PLA2G4A: variants seen among roughly 807,000 people sequenced by gnomAD.
The protein encoded by PLA2G4A is cytosolic phospholipase A2.
A neutral mutation model predicts 81.9 loss-of-function variants in PLA2G4A; 40 were observed. The ratio of observed to expected loss-of-function variants is 0.49; its 90% confidence interval spans 0.38 to 0.64. The LOEUF is 0.64. Among genes scored for constraint, PLA2G4A ranks in the 30% least tolerant of loss-of-function variants. The probability of loss-of-function intolerance (pLI) is 0.00; values close to 1 mark genes in which losing one functional copy is unlikely to be tolerated. For synonymous variants in PLA2G4A, 302 were observed against 296.9 expected (o/e 1.02, Z -0.18); for missense variants, 715 against 905.1 (o/e 0.79, Z 2.69).
rs1656050244 is a variant in PLA2G4A at position 186,939,008 on chromosome 1, G to T, written c.696G>T (p.Trp232Cys). ...TYVAGLSGST[W>C]YMSTLYSHPD... ...TGATTGTGTTTTGTTTTCTGTATAG[G>T]TATATGTCAACCTTGTATTCTCACC... is the stretch of plus-strand genomic sequence containing the variant. The change falls in exon 9 of 18, where the codon TGG becomes TGT. Residue 232 changes from tryptophan (W) to cysteine (C), a missense_variant and splice_region_variant. By Grantham distance (215) the Trp-to-Cys change is radical. Coordinates refer to ENST00000367466, the MANE Select transcript of PLA2G4A (RefSeq NM_024420.3). The T allele has an allele frequency of 6.7e-7, 1 of 1,483,358 alleles. No individual in the cohort carries two copies. Among genetic ancestry groups the T allele is most frequent in the South Asian group, 1.1e-5 (1 of 88,434 alleles). The allele number at this position is 1,483,358 out of a possible 1,614,324, so 91.9% of individuals were successfully genotyped here.
chr1:186,896,680 A>G (rs924693461), intron 5 of PLA2G4A, among the ~76,000 whole-genome samples: 5 of 152,206 alleles, frequency 3.3e-5, no homozygotes, highest in Non-Finnish European at 7.4e-5. Flanking sequence ...TGTAATCCCT[A>G]GGGCTCTAAA....
intron 10 of PLA2G4A, among the ~76,000 whole-genome samples, chr1:186,941,915 T>C (rs1656168213): frequency 1.3e-5 from 2 of 152,232 alleles, no homozygotes; most frequent in African/African-American, 4.8e-5. Context: ...ATGAGACTTC[T>C]CACAATGTTT....
rs544637283 is a variant in PLA2G4A, at chr1:186,962,030, A to G, written c.1580-3379A>G. ...CAAATCATCTCTCTGTCCAGGCTGC[A>G]TATGCTACCTGCCCGTTAGTGACTC... is the stretch of plus-strand genomic sequence containing the variant. On this transcript the variant is annotated intron_variant, in intron 14 of 17. Transcript: ENST00000367466. Among the ~76,000 whole-genome samples, 82 of 152,324 alleles carry G rather than the reference A, an allele frequency of 5.4e-4. 1 individual carries two copies. The highest frequency in any genetic ancestry group is 1.9e-3 in the African/African-American group (81 of 41,582).
At chr1:186,836,013 C>T (rs1651764028) in intron 1 of PLA2G4A, among the ~76,000 whole-genome samples, 1 of 151,958 alleles carries the variant, frequency 6.6e-6, no homozygotes, top group South Asian at 2.1e-4. Flanking sequence ...GTAATGATGC[C>T]TTTGTTGTCA....
At chr1:186,844,115 G>A (rs374079243) in intron 1 of PLA2G4A, among the ~76,000 whole-genome samples, 24 of 152,274 alleles carry the variant, frequency 1.6e-4, no homozygotes, top group East Asian at 1.5e-3. Flanking sequence ...AACAGACATA[G>A]TTAATTATTC....
intron 3 of PLA2G4A, among the ~76,000 whole-genome samples, chr1:186,888,452 C>T (rs1007904085): frequency 2.6e-5 from 4 of 152,112 alleles, no homozygotes; most frequent in Admixed American, 2.0e-4. Flanking sequence ...GTAGACCTCA[C>T]CCTCCTCTTT....
intron 7 of PLA2G4A, among the ~76,000 whole-genome samples, chr1:186,918,916 G>C (rs989520004): frequency 6.6e-6 from 1 of 152,218 alleles, no homozygotes; most frequent in Non-Finnish European, 1.5e-5. Flanking sequence ...TGCTTCTTGT[G>C]CTAACAGGGC....
At chr1:186,851,562 C>T (rs774682677) in intron 1 of PLA2G4A, among the ~76,000 whole-genome samples, 1 of 151,840 alleles carries the variant, frequency 6.6e-6, no homozygotes, top group Non-Finnish European at 1.5e-5. Context: ...AAAACATCAG[C>T]CATACTAGTA....
chr1:186,836,616 A>G (rs1257180119), intron 1 of PLA2G4A, among the ~76,000 whole-genome samples: 1 of 152,142 alleles, frequency 6.6e-6, no homozygotes, highest in East Asian at 1.9e-4. Context: ...TCACTTACCA[A>G]TTTTGCCTCC....
At chr1:186,904,418 C>A (rs538407867) in intron 5 of PLA2G4A, among the ~76,000 whole-genome samples, 1 of 152,278 alleles carries the variant, frequency 6.6e-6, no homozygotes, top group African/African-American at 2.4e-5. Context: ...TGTTTAATGC[C>A]TCACAGGAAG....
intron 5 of PLA2G4A, among the ~76,000 whole-genome samples, chr1:186,902,719 G>A (rs774150752): frequency 1.7e-4 from 26 of 150,834 alleles, no homozygotes; most frequent in Non-Finnish European, 2.8e-4. Flanking sequence ...TGTTACCCCC[G>A]CCCCTGCCCA....
intron 1 of PLA2G4A, among the ~76,000 whole-genome samples, chr1:186,837,961 A>G (rs1651849365): frequency 6.6e-6 from 1 of 152,076 alleles, no homozygotes; most frequent in South Asian, 2.1e-4. Flanking sequence ...GGAAATACGC[A>G]GATTTGATGG....
intron 15 of PLA2G4A, among the ~76,000 whole-genome samples, chr1:186,965,846 A>G (rs1657109249): frequency 6.6e-6 from 1 of 152,188 alleles, no homozygotes; most frequent in South Asian, 2.1e-4. Context: ...TGAAGTTTAG[A>G]AAGGAAATGA....
chr1:186,867,724 C>T (rs187661840), intron 2 of PLA2G4A, among the ~76,000 whole-genome samples: 72 of 152,152 alleles, frequency 4.7e-4, no homozygotes, highest in African/African-American at 1.6e-3. Flanking sequence ...ATAGGACTTC[C>T]AGTACAATGT....
chr1:186,968,911 T>G (rs1167678032), intron 15 of PLA2G4A, among the ~76,000 whole-genome samples: 1 of 151,258 alleles, frequency 6.6e-6, no homozygotes, highest in African/African-American at 2.4e-5. Flanking sequence ...AAAAAAAAAT[T>G]TATACAATAT....
chr1:186,946,241 T>C (rs1395444082), intron 10 of PLA2G4A, among the ~76,000 whole-genome samples: 1 of 152,172 alleles, frequency 6.6e-6, no homozygotes, highest in Non-Finnish European at 1.5e-5. Flanking sequence ...TTTTATTTCA[T>C]TTTAATAAAC....
intron 7 of PLA2G4A, among the ~76,000 whole-genome samples, chr1:186,926,884 G>A (rs1001046019): frequency 2.0e-5 from 3 of 152,136 alleles, no homozygotes; most frequent in African/African-American, 7.2e-5. Flanking sequence ...ATTCTTGGGT[G>A]CTGCCATTCT....
chr1:186,982,579 G>A (rs1657756168), intron 17 of PLA2G4A, among the ~76,000 whole-genome samples: 1 of 152,144 alleles, frequency 6.6e-6, no homozygotes, highest in Non-Finnish European at 1.5e-5. Context: ...GCCAGCTTAG[G>A]CAGTCAGTAT....
intron 3 of PLA2G4A, among the ~76,000 whole-genome samples, chr1:186,874,990 C>T (rs112695563): frequency 2.6e-5 from 4 of 152,190 alleles, no homozygotes; most frequent in African/African-American, 7.2e-5. Context: ...CTTCCACAAA[C>T]AGTGCTTCTT....
Sources: gnomAD v4.1 joint callset for allele counts (sites outside exome capture counted in the v4.1 genomes callset) on GRCh38, gnomAD v4.1.1 for gene constraint, MANE v1.5 for transcripts, NCBI Gene and HGNC (gene_info 2026-07-23, HGNC 2026-07-21) for gene names.